Variants in ZCCHC10 observed in about 807,000 individuals in gnomAD.
The protein encoded by ZCCHC10 is zinc finger CCHC domain-containing protein 10.
A neutral mutation model predicts 19.5 loss-of-function variants in ZCCHC10; 16 were observed. The ratio of observed to expected loss-of-function variants is 0.82; its 90% confidence interval spans 0.56 to 1.25. The LOEUF is 1.25. ZCCHC10 is among the 50% of genes most tolerant of loss of function. The pLI, the probability that ZCCHC10 is intolerant of heterozygous loss-of-function variation, is 0.00. For synonymous variants in ZCCHC10, 67 were observed against 72.5 expected, an observed-to-expected ratio of 0.92 and a Z score of 0.38; for missense variants, 197 against 201.0, an observed-to-expected ratio of 0.98 and a Z score of 0.12.
At chr5:133,020,400 C>T (rs550461301) in intron 2 of ZCCHC10, among the ~76,000 whole-genome samples, 4 of 151,896 alleles carry the variant, frequency 2.6e-5, no homozygotes, top group East Asian at 3.9e-4. Context: ...ACCGAGATCA[C>T]GCCACTGTAC....
intron 2 of ZCCHC10, among the ~76,000 whole-genome samples, chr5:133,010,702 C>A (rs1370494706): frequency 1.3e-5 from 2 of 152,108 alleles, no homozygotes; most frequent in African/African-American, 4.8e-5. Flanking sequence ...AATTCCTGAG[C>A]TCAAGTGATC....
At chr5:133,006,691 T>G (rs952943922) in intron 3 of ZCCHC10, 68 bp downstream of exon 3, 1 of 1,424,358 alleles carries the variant, frequency 7.0e-7, no homozygotes, top group African/African-American at 1.4e-5. Context: ...CATGAAACGT[T>G]TGGTCCTTTA....
intron 2 of ZCCHC10, among the ~76,000 whole-genome samples, chr5:133,010,900 TC>T (rs1217626954): frequency 6.6e-6 from 1 of 151,346 alleles, no homozygotes; most frequent in African/African-American, 2.4e-5. Context: ...CAAGCGATTC[TC>T]CTGCCTCAGC....
intron 3 of ZCCHC10, 104 bp from the exon 4 acceptor site, chr5:133,000,277 A>T: frequency 7.5e-7 from 1 of 1,331,214 alleles, no homozygotes; most frequent in Admixed American, 2.2e-5. Flanking sequence ...CTGGAGAAAG[A>T]TTCTGTGTTT....
chr5:133,001,322 CA>C (rs1762756400), intron 3 of ZCCHC10, among the ~76,000 whole-genome samples: 1 of 151,748 alleles, frequency 6.6e-6, no homozygotes, highest in African/African-American at 2.4e-5. Context: ...ACCTGGGAGG[CA>C]GAGGTTGCAG....
chr5:133,001,185 C>T (rs1434911690), intron 3 of ZCCHC10, among the ~76,000 whole-genome samples: 12 of 151,368 alleles, frequency 7.9e-5, no homozygotes, highest in East Asian at 2.0e-4. Flanking sequence ...GTCAGGAGTT[C>T]GAGACCAGCC....
At chr5:133,014,220 C>G (rs1054991687) in intron 2 of ZCCHC10, among the ~76,000 whole-genome samples, 1 of 140,242 alleles carries the variant, frequency 7.1e-6, no homozygotes, top group Non-Finnish European at 1.5e-5. Context: ...AGTGCAATGG[C>G]GCGATTTCAG....
intron 2 of ZCCHC10, among the ~76,000 whole-genome samples, chr5:133,010,081 C>T (rs1422705855): frequency 5.1e-5 from 7 of 137,844 alleles, no homozygotes; most frequent in Non-Finnish European, 1.1e-4. Context: ...TGAAGTCTTG[C>T]TCTGTCGCCC....
intron 2 of ZCCHC10, among the ~76,000 whole-genome samples, chr5:133,010,607 G>C (rs567574614): frequency 6.6e-6 from 1 of 152,070 alleles, no homozygotes; most frequent in East Asian, 1.9e-4. Context: ...ATATAAAGAC[G>C]AATTGAGTTT....
chr5:133,008,871 C>T (rs1317892162), intron 2 of ZCCHC10, among the ~76,000 whole-genome samples: 3 of 152,130 alleles, frequency 2.0e-5, no homozygotes, highest in East Asian at 3.9e-4. Flanking sequence ...AAATTAGCCG[C>T]GTGTGGTGGC....
At position 133,021,993 on chromosome 5, in the gene ZCCHC10, C is replaced by T. The variant is rs142180077; in HGVS notation, c.107+848G>A. Among the ~76,000 whole-genome samples the T allele has an allele frequency of 1.6e-3, 246 of 152,128 alleles. 1 individual carries two copies. Among genetic ancestry groups the T allele is most frequent in the African/African-American group, 5.7e-3 (235 of 41,496 alleles). On this transcript the variant is annotated intron_variant, in intron 2 of 4. Coordinates refer to ENST00000509437, the MANE Select transcript of ZCCHC10 (RefSeq NM_001300816.3). ...TATTTTTAGTAGATATGGGGTTTCA[C>T]CATGTTGATCAAGCTGGTCTTGAAC...
At chr5:133,024,029 T>C (rs1031284462) in intron 1 of ZCCHC10, among the ~76,000 whole-genome samples, 3 of 152,196 alleles carry the variant, frequency 2.0e-5, no homozygotes, top group Admixed American at 2.0e-4. Context: ...TTTTATAATA[T>C]GCCACATGTT....
chr5:133,004,033 G>T (rs542724212), intron 3 of ZCCHC10, among the ~76,000 whole-genome samples: 2 of 152,048 alleles, frequency 1.3e-5, no homozygotes, highest in African/African-American at 4.8e-5. Flanking sequence ...CTTAATGACA[G>T]ATTTTTTTCT....
At chr5:133,024,421 TGAAGCTGAGA>T (rs1168130623) in intron 1 of ZCCHC10, among the ~76,000 whole-genome samples, 1 of 152,136 alleles carries the variant, frequency 6.6e-6, no homozygotes, top group East Asian at 1.9e-4. Flanking sequence ...GCAATCAACT[TGAAGCTGAGA>T]GAATAGATAG....
At chr5:133,000,924 G>A (rs1340105508) in intron 3 of ZCCHC10, among the ~76,000 whole-genome samples, 2 of 151,714 alleles carry the variant, frequency 1.3e-5, no homozygotes, top group Non-Finnish European at 2.9e-5. Context: ...TTACAGGTGT[G>A]AGCCACCCTG....
chr5:133,004,408 A>T (rs1234341472), intron 3 of ZCCHC10, among the ~76,000 whole-genome samples: 5 of 152,132 alleles, frequency 3.3e-5, no homozygotes, highest in Admixed American at 3.3e-4. Flanking sequence ...TCCCAACCTC[A>T]GGTGATCCAC....
At position 132,998,496 on chromosome 5, in the gene ZCCHC10, C is replaced by T. The variant is rs1206547158; in HGVS notation, c.*87G>A. ...AATTCTAGAAATGTTCACCAGTTAA[C>T]CTACTTGGCCTTAACATATTCTAAA... On this transcript the variant is annotated 3_prime_UTR_variant, in exon 5 of 5. Coordinates refer to ENST00000509437, the MANE Select transcript of ZCCHC10 (RefSeq NM_001300816.3). The T allele has an allele frequency of 7.6e-6, 9 of 1,185,774 alleles. No homozygotes were observed. Among genetic ancestry groups the T allele is most frequent in the African/African-American group, 1.5e-5 (1 of 65,662 alleles). The allele number at this position is 1,185,774 out of a possible 1,614,324, so 73.5% of individuals were successfully genotyped here. A position where few individuals can be genotyped will look rare whatever the true frequency, so the allele number is the denominator to read the frequency against.
intron 3 of ZCCHC10, among the ~76,000 whole-genome samples, chr5:133,005,978 C>CTTTTTT (rs760600232): frequency 8.2e-5 from 8 of 97,782 alleles, no homozygotes; most frequent in Admixed American, 1.2e-4. Context: ...GAAGATGCTG[C>CTTTTTT]TTTTTTTTTT....
intron 1 of ZCCHC10, among the ~76,000 whole-genome samples, chr5:133,024,818 A>G (rs976891486): frequency 2.9e-4 from 44 of 151,766 alleles, no homozygotes; most frequent in Non-Finnish European, 5.0e-4. Context: ...CAGGAGAATC[A>G]TTTGAACCAG....
Sources: allele counts gnomAD v4.1 joint callset (sites outside exome capture counted in the v4.1 genomes callset), GRCh38; gene constraint gnomAD v4.1.1; transcripts MANE v1.5; gene names NCBI Gene and HGNC (gene_info 2026-07-23, HGNC 2026-07-21).